SEPTIN3: variants seen among roughly 807,000 people sequenced by gnomAD.
SEPTIN3 encodes the protein septin 3.
Under a neutral mutation model 45.1 loss-of-function variants are expected in SEPTIN3, and 15 were observed. That is an observed-to-expected ratio of 0.33 (90% CI 0.22 to 0.51). SEPTIN3 has a LOEUF of 0.51. SEPTIN3 is among the 20% of genes least tolerant of loss of function. SEPTIN3 has a pLI of 0.97. For missense variants in SEPTIN3, 289 were observed against 457.2 expected (o/e 0.63, Z 3.35); for synonymous variants, 148 against 164.8 (o/e 0.90, Z 0.78).
At chr22:41,985,565 G>C (rs2078192066) in intron 3 of SEPTIN3, 1 of 162,424 alleles carries the variant, frequency 6.2e-6, no homozygotes, top group Admixed American at 6.0e-5. Context: ...AAATGAATTT[G>C]GCTAACAAAT....
intron 7 of SEPTIN3, 129 bp from the exon 8 acceptor site, chr22:41,991,444 C>T: frequency 1.4e-6 from 1 of 711,850 alleles, no homozygotes. Flanking sequence ...TCTCAGAGTT[C>T]AGAGATGACT....
At chr22:41,985,738 G>A (rs964923342) in intron 3 of SEPTIN3, 64 of 343,506 alleles carry the variant, frequency 1.9e-4, no homozygotes, top group African/African-American at 1.3e-3. Context: ...TTTTCCCAGT[G>A]GTCCTGTGGC....
intron 2 of SEPTIN3, among the ~76,000 whole-genome samples, chr22:41,978,051 T>A (rs532742745): frequency 1.3e-5 from 2 of 152,288 alleles, no homozygotes; most frequent in African/African-American, 4.8e-5. Flanking sequence ...AGCTGCACCC[T>A]GCTGTGACCC....
chr22:41,974,491 C>T (rs1186454734), intron 2 of SEPTIN3, among the ~76,000 whole-genome samples: 1 of 151,766 alleles, frequency 6.6e-6, no homozygotes, highest in Non-Finnish European at 1.5e-5. Context: ...GGTGAAACCC[C>T]GTCTCTACTA....
In SEPTIN3 at chr22:41,972,449, C is replaced by G. The variant is rs1412430141; in HGVS notation, c.957C>G (p.Gly319=). ...CTTCGGTAGGGACAGTCAAGTCAGG[C>G]AAAACCGTGAACTTGGCTACAGCAG... ...DLSSVGTVKS[G]KTVNLATAGT... Residue 319 remains glycine, a synonymous_variant, in exon 2 of 12, where the codon GGC becomes GGG. Transcript: ENST00000644076. The G allele has an allele frequency of 2.5e-6, 1 of 398,846 alleles. No individual in the cohort carries two copies. The highest frequency in any genetic ancestry group is 3.6e-5 in the East Asian group (1 of 28,090). The allele number at this position is 398,846 out of a possible 1,614,324, so 24.7% of individuals were successfully genotyped here.
chr22:41,994,564 C>G lies in SEPTIN3; in HGVS notation c.2412-57C>G. On this transcript the variant is annotated intron_variant, in intron 10 of 11. Coordinates refer to ENST00000644076, the MANE Select transcript of SEPTIN3 (RefSeq NM_001363845.2). The surrounding 1 kb of genome is among the most constrained non-coding windows in gnomAD (Gnocchi z 4.2). Reference sequence around the variant, plus strand: ...AGTCCCTCGAAGTGATGTGTGTCACCGCCTCCTCTTCCTGCCCCTAATTGC... The same window carrying G: ...AGTCCCTCGAAGTGATGTGTGTCACGGCCTCCTCTTCCTGCCCCTAATTGC... 6.2e-7 allele frequency: 1 copy of G among 1,609,918 alleles called. No individual in the cohort carries two copies. The highest frequency in any genetic ancestry group is 1.9e-4 in the Middle Eastern group (1 of 5,306).
At chr22:41,995,883 AG>A in intron 11 of SEPTIN3, 1 of 936,426 alleles carries the variant, frequency 1.1e-6, no homozygotes, top group Non-Finnish European at 1.3e-6. Context: ...TTGGGACATC[AG>A]GTTCTAGAAC....
At chr22:41,993,958 T>C (rs1245640246) in intron 9 of SEPTIN3, among the ~76,000 whole-genome samples, 3 of 152,252 alleles carry the variant, frequency 2.0e-5, no homozygotes, top group African/African-American at 7.2e-5. Context: ...TATAAGCTTC[T>C]GAAGAATGGG....
chr22:41,970,638 T>C (rs73885876), intron 1 of SEPTIN3, among the ~76,000 whole-genome samples: 261 of 152,136 alleles, frequency 1.7e-3, no homozygotes, highest in African/African-American at 6.1e-3. Flanking sequence ...AGGAGCCCCA[T>C]GTTGGATTTT....
chr22:41,992,102 G>A (rs900738804), intron 8 of SEPTIN3, among the ~76,000 whole-genome samples: 2 of 152,142 alleles, frequency 1.3e-5, no homozygotes, highest in African/African-American at 2.4e-5. Flanking sequence ...TAAATTGGCT[G>A]GGCGTGGTGA....
Position 41,997,099 on chromosome 22 carries a change from C to G in SEPTIN3, c.*132C>G. On this transcript the variant is annotated 3_prime_UTR_variant, in exon 12 of 12. Transcript: ENST00000644076. ...CTCAGCCCTCAGTAGGTGGGAGGGG[C>G]CAGCTGCCTCTTTAGGCCAGTTGCA... The G allele has an allele frequency of 1.3e-6, 2 of 1,517,234 alleles. No individual in the cohort carries two copies. Among genetic ancestry groups the G allele is most frequent in the Non-Finnish European group, 1.8e-6 (2 of 1,130,534 alleles). The allele number at this position is 1,517,234 out of a possible 1,614,324, so 94.0% of individuals were successfully genotyped here.
In SEPTIN3 at chr22:41,971,565, T is replaced by G; in HGVS notation, c.73T>G (p.Ser25Ala). The part of the protein sequence containing the change: ...HGAPGPGTSF[S>A]HSHVLGRPIR... ...AGCTCCAGGCCCGGGAACCTCCTTCTCCCATAGCCATGTGCTGGGGCGCCC... is the reference window on the plus strand; with the variant it reads ...AGCTCCAGGCCCGGGAACCTCCTTCGCCCATAGCCATGTGCTGGGGCGCCC... The change falls in exon 2 of 12, where the codon TCC (serine) becomes GCC (alanine). Residue 25 changes from serine to alanine, a missense_variant. By Grantham distance (99) the Ser-to-Ala change is moderately conservative. Coordinates refer to ENST00000644076, the MANE Select transcript of SEPTIN3 (RefSeq NM_001363845.2). The G allele has an allele frequency of 5.0e-6, 2 of 399,062 alleles. No individual in the cohort carries two copies. The highest frequency in any genetic ancestry group is 4.4e-6 in the Non-Finnish European group (1 of 226,148). The allele number at this position is 399,062 out of a possible 1,614,324, so 24.7% of individuals were successfully genotyped here.
intron 2 of SEPTIN3, among the ~76,000 whole-genome samples, chr22:41,978,438 G>A (rs1286121743): frequency 2.6e-5 from 4 of 152,200 alleles, no homozygotes; most frequent in Non-Finnish European, 5.9e-5. Context: ...AACCCAGCAA[G>A]GTAGGTTCTA....
At chr22:41,978,809 A>G (rs2078072028) in intron 2 of SEPTIN3, among the ~76,000 whole-genome samples, 1 of 151,880 alleles carries the variant, frequency 6.6e-6, no homozygotes, top group African/African-American at 2.4e-5. Flanking sequence ...AGTACCAGAA[A>G]ATGTGCAGTG....
intron 4 of SEPTIN3, 89 bp from the exon 5 acceptor site, chr22:41,987,117 G>T: frequency 1.0e-6 from 1 of 956,554 alleles, no homozygotes; most frequent in Non-Finnish European, 1.6e-6. Context: ...CTGAAGACAA[G>T]GCCTGGGTCT....
At chr22:41,986,929 T>C (rs571948705) in intron 4 of SEPTIN3, among the ~76,000 whole-genome samples, 40 of 152,164 alleles carry the variant, frequency 2.6e-4, no homozygotes, top group African/African-American at 9.4e-4. Flanking sequence ...TGAGCTGTGA[T>C]TGCACCACTG....
chr22:41,990,350 A>G (rs1034778057), intron 7 of SEPTIN3, among the ~76,000 whole-genome samples: 1 of 150,692 alleles, frequency 6.6e-6, no homozygotes, highest in African/African-American at 2.4e-5. Context: ...CACCGTGCCC[A>G]GCCCTCACTG....
intron 8 of SEPTIN3, among the ~76,000 whole-genome samples, chr22:41,992,266 C>G (rs1353990543): frequency 6.6e-6 from 1 of 152,126 alleles, no homozygotes; most frequent in Non-Finnish European, 1.5e-5. Flanking sequence ...GTAATCCCAG[C>G]TACTCGGGAG....
intron 7 of SEPTIN3, among the ~76,000 whole-genome samples, chr22:41,990,777 C>G (rs111226310): frequency 7.8e-6 from 1 of 128,428 alleles, no homozygotes; most frequent in African/African-American, 2.8e-5. Context: ...AAGAAACTTA[C>G]AATTGGCTGG....
Sources: gnomAD v4.1 joint callset for allele counts (sites outside exome capture counted in the v4.1 genomes callset) on GRCh38, gnomAD v4.1.1 for gene constraint, Gnocchi (gnomAD v3.1) non-coding constraint, MANE v1.5 for transcripts, NCBI Gene and HGNC (gene_info 2026-07-23, HGNC 2026-07-21) for gene names.